WDR72: variants seen among roughly 807,000 people sequenced by gnomAD.
WDR72 encodes WD repeat-containing protein 72.
A neutral mutation model predicts 124.2 loss-of-function variants in WDR72; 120 were observed. The ratio of observed to expected loss-of-function variants is 0.97; its 90% confidence interval spans 0.83 to 1.12. WDR72 has a LOEUF of 1.12. Ranked by LOEUF, WDR72 falls within the 50% of genes most tolerant of loss-of-function variation. The pLI is 0.00. For synonymous variants in WDR72, 452 were observed against 441.7 expected (o/e 1.02, Z -0.29); for missense variants, 1,387 against 1,278.8 (o/e 1.08, Z -1.29).
rs759928753 is a variant in WDR72, at chr15:53,711,349, G to C, written c.844C>G (p.Gln282Glu). 6 of 1,614,046 alleles carry C rather than the reference G, an allele frequency of 3.7e-6. No homozygotes were observed. The highest frequency in any genetic ancestry group is 4.2e-6 in the Non-Finnish European group (5 of 1,180,046). The change falls in exon 8 of 20, where the codon CAG becomes GAG. Residue 282 changes from glutamine (Q) to glutamate (E), a missense_variant. Coordinates refer to ENST00000360509, the MANE Select transcript of WDR72 (RefSeq NM_182758.4). ...WTEDGHSYIY[Q>E]LLNSGLSKSI... The stretch of plus-strand genomic sequence containing the variant: ...ATCTGAGCCCACCTGTTCAGCAGCT[G>C]ATAGATGTAACTGTGACCATCTTCT...
chr15:53,597,130 A>G lies in WDR72; in HGVS notation c.3097T>C (p.Trp1033Arg). 6.2e-7 allele frequency: 1 copy of G among 1,613,938 alleles called. No individual in the cohort carries two copies. The highest frequency in any genetic ancestry group is 8.5e-7 in the Non-Finnish European group (1 of 1,179,894). The change falls in exon 18 of 20, where the codon TGG (tryptophan) becomes CGG (arginine). Residue 1033 changes from tryptophan (W) to arginine (R), a missense_variant. By Grantham distance (101) the Trp-to-Arg change is moderately radical. Transcript: ENST00000360509. Reference protein sequence around the residue: ...EMKQMLPKLEWTEELELQCVR... With the variant: ...EMKQMLPKLERTEELELQCVR... ...CACTGTAACTCTAGTTCTTCTGTCC[A>G]TTCCAGCTTTGGCAGCATCTGCTTC...
At chr15:53,748,699 C>T (rs973767808) in intron 1 of WDR72, among the ~76,000 whole-genome samples, 1 of 152,136 alleles carries the variant, frequency 6.6e-6, no homozygotes, top group African/African-American at 2.4e-5. Flanking sequence ...ATTACTTCAA[C>T]ATTCCATCAC....
chr15:53,656,282 GGA>G (rs769353099), intron 14 of WDR72, among the ~76,000 whole-genome samples: 11 of 152,148 alleles, frequency 7.2e-5, no homozygotes, highest in Non-Finnish European at 1.6e-4. Flanking sequence ...AACGTCATTT[GGA>G]GATGCAGAGA....
At chr15:53,586,218 C>A (rs4776161) in intron 18 of WDR72, among the ~76,000 whole-genome samples, 13 of 151,810 alleles carry the variant, frequency 8.6e-5, no homozygotes, top group Admixed American at 8.5e-4. Flanking sequence ...CTGGTTATTG[C>A]CTATTCTGGT....
At chr15:53,591,148 C>A (rs759924642) in intron 18 of WDR72, among the ~76,000 whole-genome samples, 8 of 151,972 alleles carry the variant, frequency 5.3e-5, no homozygotes, top group Admixed American at 5.3e-4. Context: ...TTGGAAGAAG[C>A]CTTCTTGAGC....
Position 53,542,584 on chromosome 15 carries a change from A to T in WDR72, c.3149-19262T>A, listed in dbSNP as rs1452071620. ...TCGAGACTAGGAAGAAACTGCATCA[A>T]CTAACGAGCAAAATCACCAGCTAAC... On this transcript the variant is annotated intron_variant, in intron 18 of 19. Coordinates refer to ENST00000360509, the MANE Select transcript of WDR72 (RefSeq NM_182758.4). Among the ~76,000 whole-genome samples the T allele has an allele frequency of 8.1e-3, 193 of 23,846 alleles. 4 individuals carry two copies. Among genetic ancestry groups the T allele is most frequent in the African/African-American group, 0.035 (186 of 5,366 alleles). 15.6% of individuals were successfully genotyped at this position (23,846 alleles called of 152,430 possible).
chr15:53,720,324 G>A (rs966620360), intron 3 of WDR72, among the ~76,000 whole-genome samples: 4 of 152,122 alleles, frequency 2.6e-5, no homozygotes, highest in Non-Finnish European at 4.4e-5. Flanking sequence ...ATTATTATAT[G>A]CTATTGTTGA....
At chr15:53,631,581 A>C (rs565168433) in intron 14 of WDR72, among the ~76,000 whole-genome samples, 1 of 152,314 alleles carries the variant, frequency 6.6e-6, no homozygotes, top group African/African-American at 2.4e-5. Context: ...ATGAGGGAAA[A>C]TTTAGAATTT....
At chr15:53,598,701 A>G (rs1347073453) in intron 17 of WDR72, among the ~76,000 whole-genome samples, 1 of 152,182 alleles carries the variant, frequency 6.6e-6, no homozygotes, top group Non-Finnish European at 1.5e-5. Context: ...CAAATGTTTA[A>G]GGAGTGAAAA....
rs145217712 is a variant in WDR72, at chr15:53,723,812, T to C, written c.154-904A>G. Among the ~76,000 whole-genome samples the C allele has an allele frequency of 3.0e-3, 455 of 152,336 alleles. 6 individuals are homozygous for C. The highest frequency in any genetic ancestry group is 5.4e-3 in the Non-Finnish European group (367 of 68,034). On this transcript the variant is annotated intron_variant, in intron 2 of 19. Coordinates refer to ENST00000360509, the MANE Select transcript of WDR72 (RefSeq NM_182758.4). ...TGTAAATTGCTTTTATACTATATTT[T>C]TTAGGGAATAATGACAAGGGAAAAA...
intron 14 of WDR72, among the ~76,000 whole-genome samples, chr15:53,647,111 C>CA (rs1488175938): frequency 1.3e-5 from 2 of 149,620 alleles, no homozygotes; most frequent in Non-Finnish European, 2.9e-5. Context: ...TTTTTGTGCA[C>CA]AAACAGATTA....
chr15:53,686,456 G>C (rs909365258), intron 13 of WDR72, among the ~76,000 whole-genome samples: 2 of 150,478 alleles, frequency 1.3e-5, no homozygotes, highest in African/African-American at 2.4e-5. Flanking sequence ...GATCAAAAGA[G>C]ACAAAGAAGG....
At chr15:53,693,061 T>C (rs2016891732) in intron 13 of WDR72, among the ~76,000 whole-genome samples, 1 of 152,166 alleles carries the variant, frequency 6.6e-6, no homozygotes, top group Admixed American at 6.5e-5. Context: ...ATACCTATAA[T>C]GAAAATCGTA....
chr15:53,685,714 C>T (rs138889432), intron 13 of WDR72, among the ~76,000 whole-genome samples: 2,078 of 151,330 alleles, frequency 0.014, 72 homozygotes, highest in African/African-American at 0.048. Context: ...CAGAGAACAC[C>T]GCAAAGATAC....
At chr15:53,733,831 C>T (rs1346721608) in intron 1 of WDR72, among the ~76,000 whole-genome samples, 4 of 152,072 alleles carry the variant, frequency 2.6e-5, no homozygotes, top group Admixed American at 2.6e-4. Flanking sequence ...TATCTATGAC[C>T]ACCCAAAGTA....
chr15:53,725,682 C>T (rs2018003112), intron 2 of WDR72, among the ~76,000 whole-genome samples: 1 of 152,128 alleles, frequency 6.6e-6, no homozygotes, highest in South Asian at 2.1e-4. Flanking sequence ...TGTGTATTAC[C>T]ATATGAAAGA....
chr15:53,705,250 C>G lies in WDR72; in HGVS notation c.1103-17G>C, dbSNP rs2017317525. ...CTGGTATCTCTAAAAAGAAAACAGA[C>G]ATAAAAAGAAAATTTGGTTTATCAG... is the stretch of plus-strand genomic sequence containing the variant. On this transcript the variant is annotated splice_polypyrimidine_tract_variant and intron_variant, in intron 10 of 19. Coordinates refer to ENST00000360509, the MANE Select transcript of WDR72 (RefSeq NM_182758.4). 2.5e-6 allele frequency: 4 copies of G among 1,610,458 alleles called. No individual in the cohort carries two copies. The highest frequency in any genetic ancestry group is 3.4e-6 in the Non-Finnish European group (4 of 1,179,878).
chr15:53,747,011 C>G (rs1441021010), intron 1 of WDR72, among the ~76,000 whole-genome samples: 14 of 152,088 alleles, frequency 9.2e-5, no homozygotes, highest in Admixed American at 9.2e-4. Flanking sequence ...CTGAGGAAAG[C>G]TGGAGAAAGT....
At chr15:53,726,147 T>A (rs1244790598) in intron 2 of WDR72, among the ~76,000 whole-genome samples, 1 of 149,490 alleles carries the variant, frequency 6.7e-6, no homozygotes, top group African/African-American at 2.5e-5. Flanking sequence ...AGTGAACCAA[T>A]GCTTGATGAT....
Sources: gnomAD v4.1 joint callset for allele counts (sites outside exome capture counted in the v4.1 genomes callset) on GRCh38, gnomAD v4.1.1 for gene constraint, MANE v1.5 for transcripts, NCBI Gene and HGNC (gene_info 2026-07-23, HGNC 2026-07-21) for gene names.